Variants in ATP8A2 observed in about 807,000 individuals in gnomAD.
ATP8A2 encodes the protein phospholipid-transporting ATPase IB.
In ATP8A2, 100 loss-of-function variants were observed where a neutral mutation model predicts 165.6. The observed-to-expected ratio is 0.60, with a 90% confidence interval of 0.51 to 0.71. The LOEUF is 0.71. ATP8A2 is among the 30% of genes least tolerant of loss of function. The pLI is 0.00. For missense variants in ATP8A2, 1,227 were observed against 1,479.5 expected (o/e 0.83, Z 2.80); for synonymous variants, 543 against 548.8 (o/e 0.99, Z 0.15).
At chr13:25,657,450 A>G (rs1296810150) in intron 24 of ATP8A2, among the ~76,000 whole-genome samples, 1 of 152,158 alleles carries the variant, frequency 6.6e-6, no homozygotes, top group African/African-American at 2.4e-5. Flanking sequence ...CATGGGCCAG[A>G]TGGGGACTGT....
intron 25 of ATP8A2, among the ~76,000 whole-genome samples, chr13:25,711,487 G>A (rs1238724384): frequency 6.6e-6 from 1 of 152,064 alleles, no homozygotes; most frequent in African/African-American, 2.4e-5. Flanking sequence ...AGGCGAAAAG[G>A]TTGTGTGAGG....
intron 35 of ATP8A2, among the ~76,000 whole-genome samples, 199 bp downstream of exon 35, chr13:25,968,878 A>G (rs1177966929): frequency 6.6e-6 from 1 of 152,082 alleles, no homozygotes; most frequent in African/African-American, 2.4e-5. Context: ...GTCTCCAGGT[A>G]AGACTGGGGG....
chr13:25,534,115 A>G, intron 6 of ATP8A2: 1 of 510,162 alleles, frequency 2.0e-6, no homozygotes, highest in Non-Finnish European at 4.0e-6. Flanking sequence ...TTATATCTGA[A>G]AAATGCCCGT....
chr13:25,826,873 C>T (rs1364920478), intron 27 of ATP8A2, among the ~76,000 whole-genome samples: 5 of 144,058 alleles, frequency 3.5e-5, no homozygotes, highest in East Asian at 2.1e-4. Context: ...CTGCTGCCTC[C>T]GTGTATTCAG....
chr13:25,429,388 A>G (rs554299377), intron 1 of ATP8A2, among the ~76,000 whole-genome samples: 2,618 of 147,440 alleles, frequency 0.018, 118 homozygotes, highest in African/African-American at 0.064. Flanking sequence ...AAAAAAAAAA[A>G]AAAAAAAAAA....
intron 24 of ATP8A2, among the ~76,000 whole-genome samples, chr13:25,688,433 T>G (rs1291107295): frequency 2.0e-5 from 3 of 152,112 alleles, no homozygotes; most frequent in Non-Finnish European, 4.4e-5. Flanking sequence ...TCTTCCTCAC[T>G]GTATCTGCAG....
At chr13:25,431,445 G>A (rs529974921) in intron 1 of ATP8A2, among the ~76,000 whole-genome samples, 1 of 152,188 alleles carries the variant, frequency 6.6e-6, no homozygotes, top group African/African-American at 2.4e-5. Flanking sequence ...CACCACACCC[G>A]GCTTCTCTAA....
chr13:25,400,481 A>G (rs188352347), intron 1 of ATP8A2, among the ~76,000 whole-genome samples: 71 of 152,284 alleles, frequency 4.7e-4, no homozygotes, highest in African/African-American at 1.5e-3. Flanking sequence ...GGGTTCTTCA[A>G]CACCTTGAAT....
At chr13:25,449,207 C>T (rs1357719390) in intron 1 of ATP8A2, among the ~76,000 whole-genome samples, 3 of 152,066 alleles carry the variant, frequency 2.0e-5, no homozygotes, top group African/African-American at 7.2e-5. Flanking sequence ...TTAAAGAAAG[C>T]GTCTTTATTT....
chr13:25,736,076 C>A (rs895685779), intron 25 of ATP8A2, among the ~76,000 whole-genome samples: 1 of 152,164 alleles, frequency 6.6e-6, no homozygotes, highest in Non-Finnish European at 1.5e-5. Flanking sequence ...ATATTCAGTA[C>A]AGTAGCATGT....
At chr13:25,733,874 C>T (rs2043709128) in intron 25 of ATP8A2, among the ~76,000 whole-genome samples, 1 of 152,118 alleles carries the variant, frequency 6.6e-6, no homozygotes, top group South Asian at 2.1e-4. Context: ...GGTTTAACAC[C>T]CTTTGATGTC....
At chr13:25,763,100 A>G (rs1593309012) in intron 25 of ATP8A2, among the ~76,000 whole-genome samples, 1 of 152,176 alleles carries the variant, frequency 6.6e-6, no homozygotes, top group African/African-American at 2.4e-5. Flanking sequence ...GGATTTCCAG[A>G]ATTTTTTGCT....
chr13:25,386,969 C>A (rs1176763717), intron 1 of ATP8A2, among the ~76,000 whole-genome samples: 1 of 98,292 alleles, frequency 1.0e-5, no homozygotes, highest in Non-Finnish European at 2.7e-5. Flanking sequence ...TGCACTCCAG[C>A]CTGGGCGTCA....
rs2041749474 is a variant in ATP8A2, at chr13:25,649,086, G to C, written c.2212-50087G>C. ...TTCTTCCTGAGTCCATGTAATCCTTGTGTCCTTGCGTTGGTGTTTGTGTAC... is the reference window on the plus strand; with the variant it reads ...TTCTTCCTGAGTCCATGTAATCCTTCTGTCCTTGCGTTGGTGTTTGTGTAC... On this transcript the variant is annotated intron_variant, in intron 24 of 36. Coordinates refer to ENST00000381655, the MANE Select transcript of ATP8A2 (RefSeq NM_016529.6). 3.2e-4 allele frequency: 155 copies of C among 480,770 alleles called. 1 individual carries two copies. The highest frequency in any genetic ancestry group is 2.2e-3 in the South Asian group (146 of 66,640). The allele number at this position is 480,770 out of a possible 1,614,324, so 29.8% of individuals were successfully genotyped here. A position where few individuals can be genotyped will look rare whatever the true frequency, so the allele number is the denominator to read the frequency against.
intron 35 of ATP8A2, among the ~76,000 whole-genome samples, chr13:26,007,863 C>T (rs531371047): frequency 6.6e-6 from 1 of 152,050 alleles, no homozygotes; most frequent in African/African-American, 2.4e-5. Flanking sequence ...TAACAGAACC[C>T]TATGCATAAA....
intron 28 of ATP8A2, among the ~76,000 whole-genome samples, chr13:25,829,700 ATATATATATATATATATAT>A (rs1449943575): frequency 3.2e-5 from 2 of 62,470 alleles, no homozygotes; most frequent in Non-Finnish European, 3.4e-5. Context: ...ATATATATAT[ATATATATATATATATATAT>A]ATCACCTGCT....
chr13:25,692,378 G>C (rs2042743884), intron 24 of ATP8A2, among the ~76,000 whole-genome samples: 1 of 152,178 alleles, frequency 6.6e-6, no homozygotes. Context: ...AGCAGCTGCT[G>C]CTCCATGGCA....
At chr13:25,709,804 C>T (rs1460734498) in intron 25 of ATP8A2, among the ~76,000 whole-genome samples, 1 of 151,912 alleles carries the variant, frequency 6.6e-6, no homozygotes, top group Non-Finnish European at 1.5e-5. Flanking sequence ...TTAGCCTATG[C>T]CAATATAAAC....
intron 25 of ATP8A2, among the ~76,000 whole-genome samples, chr13:25,752,025 A>G (rs1431681448): frequency 6.6e-6 from 1 of 151,754 alleles, no homozygotes; most frequent in African/African-American, 2.4e-5. Context: ...TCATGCCTAT[A>G]ATCCCAGCAC....
Sources: gnomAD v4.1 joint callset for allele counts (sites outside exome capture counted in the v4.1 genomes callset) on GRCh38, gnomAD v4.1.1 for gene constraint, MANE v1.5 for transcripts, NCBI Gene and HGNC (gene_info 2026-07-23, HGNC 2026-07-21) for gene names.